Variants in TNIK observed in about 807,000 individuals in gnomAD.
The protein encoded by TNIK is TRAF2 and NCK interacting kinase.
Under a neutral mutation model 191.3 loss-of-function variants are expected in TNIK, and 49 were observed. The observed-to-expected ratio is 0.26, with a 90% CI of 0.20 to 0.32. TNIK has a LOEUF of 0.32. TNIK is among the 10% of genes least tolerant of loss of function. The probability of loss-of-function intolerance (pLI) is 1.00; values close to 1 mark genes in which losing one functional copy is unlikely to be tolerated. For synonymous variants in TNIK, 594 were observed against 600.9 expected (o/e 0.99, Z 0.17); for missense variants, 1,155 against 1,702.3 (o/e 0.68, Z 5.66).
intron 3 of TNIK, among the ~76,000 whole-genome samples, chr3:171,217,425 AACTG>A (rs1183001411): frequency 2.0e-5 from 3 of 152,100 alleles, no homozygotes; most frequent in East Asian, 3.9e-4. Context: ...CAAGAGTTAA[AACTG>A]ACTGTTAGGT....
At chr3:171,106,647 C>A in intron 21 of TNIK, 1 of 527,160 alleles carries the variant, frequency 1.9e-6, no homozygotes, top group Non-Finnish European at 3.9e-6. Flanking sequence ...TAATGGAAAA[C>A]GTCTCCACAG....
At position 171,365,926 on chromosome 3, in the gene TNIK, C is replaced by A. The variant is rs976834171; in HGVS notation, c.123+3694G>T. 2.0e-5 allele frequency among the ~76,000 whole-genome samples: 3 copies of A among 152,250 alleles called. No individual in the cohort carries two copies. In the East Asian group the frequency reaches 5.8e-4, roughly 29 times the overall value. On this transcript the variant is annotated intron_variant, in intron 2 of 32. Transcript: ENST00000436636. The stretch of plus-strand genomic sequence containing the variant: ...AAATATGTCTTCATTTCCGTAATAA[C>A]CAATCTATATTCAAAAGGGCAAATT...
At chr3:171,098,571 T>G (rs1723032008) in intron 22 of TNIK, among the ~76,000 whole-genome samples, 1 of 152,192 alleles carries the variant, frequency 6.6e-6, no homozygotes, top group South Asian at 2.1e-4. Flanking sequence ...AGCTATTGTT[T>G]TAAACATCAG....
chr3:171,204,669 C>A (rs1367825545), intron 4 of TNIK, among the ~76,000 whole-genome samples: 1 of 152,182 alleles, frequency 6.6e-6, no homozygotes, highest in African/African-American at 2.4e-5. Context: ...TTACAGCACT[C>A]TTATTAGTAG....
chr3:171,269,598 A>G (rs1263532062), intron 2 of TNIK, among the ~76,000 whole-genome samples: 1 of 152,212 alleles, frequency 6.6e-6, no homozygotes, highest in Non-Finnish European at 1.5e-5. Flanking sequence ...CACAGACACA[A>G]TATCAGCTTT....
intron 12 of TNIK, among the ~76,000 whole-genome samples, chr3:171,148,545 C>T (rs988232560): frequency 2.0e-5 from 3 of 152,172 alleles, no homozygotes; most frequent in Non-Finnish European, 2.9e-5. Flanking sequence ...TGTCATCATT[C>T]TGAAGCCTTA....
chr3:171,085,929 C>A (rs1721301925), intron 24 of TNIK, among the ~76,000 whole-genome samples: 1 of 152,226 alleles, frequency 6.6e-6, no homozygotes, highest in South Asian at 2.1e-4. Context: ...GCTTGAATGG[C>A]ACCATGAAAA....
chr3:171,357,364 T>C lies in TNIK; in HGVS notation c.123+12256A>G, dbSNP rs1577614936. Among the ~76,000 whole-genome samples, 13 of 151,676 alleles carry C rather than the reference T, an allele frequency of 8.6e-5. No individual in the cohort carries two copies. The South Asian group carries it at 2.7e-3, about 32-fold the overall frequency. On this transcript the variant is annotated intron_variant, in intron 2 of 32. Coordinates refer to ENST00000436636, the MANE Select transcript of TNIK (RefSeq NM_015028.4). ...TGTGCAGTGGCATGATCTCAGCTCA[T>C]TGCAACCTCCATCTCCCAGGTTCAA...
intron 1 of TNIK, among the ~76,000 whole-genome samples, chr3:171,382,966 G>A (rs1368373526): frequency 6.6e-6 from 1 of 152,120 alleles, no homozygotes; most frequent in Non-Finnish European, 1.5e-5. Flanking sequence ...GCTTCACACT[G>A]AATGTCTCCC....
intron 2 of TNIK, among the ~76,000 whole-genome samples, chr3:171,318,304 ATAATT>A (rs1754848229): frequency 6.6e-6 from 1 of 152,312 alleles, no homozygotes; most frequent in African/African-American, 2.4e-5. Context: ...CAGGCGTAAC[ATAATT>A]TAAACACAAG....
intron 4 of TNIK, among the ~76,000 whole-genome samples, chr3:171,205,191 TATTA>T (rs929831875): frequency 1.4e-4 from 22 of 152,228 alleles, no homozygotes; most frequent in African/African-American, 5.3e-4. Context: ...TGTAATCTGA[TATTA>T]ATTTCCTAAC....
At chr3:171,245,897 TAAGAG>T (rs1164542109) in intron 2 of TNIK, among the ~76,000 whole-genome samples, 7 of 151,584 alleles carry the variant, frequency 4.6e-5, no homozygotes, top group Non-Finnish European at 1.0e-4. Flanking sequence ...CTATTGGAAA[TAAGAG>T]AGAGAGAAAG....
chr3:171,300,357 T>C (rs548644501), intron 2 of TNIK, among the ~76,000 whole-genome samples: 1 of 152,334 alleles, frequency 6.6e-6, no homozygotes, highest in South Asian at 2.1e-4. Context: ...AGTTTACAGA[T>C]ATCCTACTGA....
intron 3 of TNIK, among the ~76,000 whole-genome samples, chr3:171,215,193 G>A (rs1741313905): frequency 6.6e-6 from 1 of 152,110 alleles, no homozygotes; most frequent in African/African-American, 2.4e-5. Flanking sequence ...CCTTCTAGAA[G>A]ATGAGAAATC....
At position 171,386,417 on chromosome 3, in the gene TNIK, A is replaced by G. The variant is rs112612023; in HGVS notation, c.58-16732T>C. On this transcript the variant is annotated intron_variant, in intron 1 of 32. Coordinates refer to ENST00000436636, the MANE Select transcript of TNIK (RefSeq NM_015028.4). ...AATTAAACATGAATAAGTTTGTATC[A>G]AGTTTAAAAATAAAACACAAAGATG... Among the ~76,000 whole-genome samples the G allele has an allele frequency of 5.3e-5, 8 of 152,292 alleles. 1 individual carries two copies. The highest frequency in any genetic ancestry group is 1.9e-4 in the African/African-American group (8 of 41,574).
In TNIK at chr3:171,101,589, T is replaced by C. The variant is rs867254664; in HGVS notation, c.2451A>G (p.Glu817=). The part of the protein sequence containing the change: ...LAKELRELRI[E]ETNRPMKKVT... ...CCTTCTTCATTGGGCGGTTTGTTTC[T>C]TCAATCCGGAGTTCTCTTAGTTCTT... The change falls in exon 22 of 33, where the codon GAA becomes GAG. Residue 817 remains glutamate, a synonymous_variant. Coordinates refer to ENST00000436636, the MANE Select transcript of TNIK (RefSeq NM_015028.4). 1.1e-5 allele frequency: 17 copies of C among 1,613,292 alleles called. No individual in the cohort carries two copies. The Middle Eastern group carries it at 6.6e-4, about 62-fold the overall frequency.
intron 15 of TNIK, among the ~76,000 whole-genome samples, chr3:171,129,734 T>G (rs1334254017): frequency 6.6e-6 from 1 of 152,204 alleles, no homozygotes; most frequent in Non-Finnish European, 1.5e-5. Context: ...TCACGGGAAA[T>G]GCTGAGCCAG....
intron 3 of TNIK, among the ~76,000 whole-genome samples, chr3:171,217,000 T>C (rs559397257): frequency 1.3e-5 from 2 of 152,212 alleles, no homozygotes; most frequent in East Asian, 3.9e-4. Context: ...CTAAGTTAAA[T>C]TAATTCATTC....
At chr3:171,217,833 T>C (rs776590032) in intron 3 of TNIK, among the ~76,000 whole-genome samples, 6 of 152,020 alleles carry the variant, frequency 3.9e-5, no homozygotes, top group Admixed American at 6.6e-5. Context: ...AGTTACCCAA[T>C]TGGGAAGAAA....
Sources: gnomAD v4.1 joint callset for allele counts (sites outside exome capture counted in the v4.1 genomes callset) on GRCh38, gnomAD v4.1.1 for gene constraint, MANE v1.5 for transcripts, NCBI Gene and HGNC (gene_info 2026-07-23, HGNC 2026-07-21) for gene names.